Variants in CSMD1 observed in about 807,000 individuals in gnomAD.
CSMD1 encodes CUB and Sushi multiple domains 1.
A neutral mutation model predicts 417.5 loss-of-function variants in CSMD1; 213 were observed. The observed-to-expected ratio is 0.51, with a 90% CI of 0.46 to 0.57. The LOEUF is 0.57. CSMD1 is among the 20% of genes least tolerant of loss of function. The pLI is 0.00. For missense variants in CSMD1, 6,923 were observed against 4,529.7 expected (o/e 1.53, Z -15.17); for synonymous variants, 2,862 against 1,736.8 (o/e 1.65, Z -16.11).
chr8:4,614,180 T>C (rs889868470), intron 2 of CSMD1, among the ~76,000 whole-genome samples: 1 of 152,174 alleles, frequency 6.6e-6, no homozygotes, highest in South Asian at 2.1e-4. Context: ...ATGAAAGACA[T>C]TGTTTAGAAA....
At chr8:3,702,455 G>C (rs76992565) in intron 7 of CSMD1, among the ~76,000 whole-genome samples, 2,060 of 152,288 alleles carry the variant, frequency 0.014, 44 homozygotes, top group African/African-American at 0.047. Context: ...TCCTCACATT[G>C]AGAGCTGCTA....
intron 5 of CSMD1, among the ~76,000 whole-genome samples, chr8:3,798,127 G>C (rs1800262752): frequency 6.6e-6 from 1 of 151,894 alleles, no homozygotes; most frequent in Non-Finnish European, 1.5e-5. Flanking sequence ...GAGGAATTCA[G>C]TATATAAATA....
chr8:3,568,020 T>C (rs958011236), intron 10 of CSMD1, among the ~76,000 whole-genome samples: 10 of 152,312 alleles, frequency 6.6e-5, no homozygotes, highest in African/African-American at 2.4e-4. Context: ...AAGTTGGTAC[T>C]GACAGAAGCC....
intron 37 of CSMD1, among the ~76,000 whole-genome samples, 178 bp downstream of exon 37, chr8:3,180,932 C>A (rs1024420157): frequency 1.3e-5 from 2 of 152,192 alleles, no homozygotes; most frequent in African/African-American, 4.8e-5. Flanking sequence ...GCATGAGTCA[C>A]CGCAACTGGC....
chr8:3,011,369 G>A (rs969075042), intron 52 of CSMD1, among the ~76,000 whole-genome samples: 14 of 146,092 alleles, frequency 9.6e-5, no homozygotes, highest in Admixed American at 8.0e-4. Flanking sequence ...CTGCTCTGCT[G>A]TGATATAAGC....
chr8:4,116,160 A>T (rs989773232), intron 3 of CSMD1, among the ~76,000 whole-genome samples: 64 of 151,948 alleles, frequency 4.2e-4, no homozygotes, highest in African/African-American at 1.4e-3. Context: ...CACCCAGCTA[A>T]TTTTTGTATT....
intron 6 of CSMD1, among the ~76,000 whole-genome samples, chr8:3,724,452 G>A (rs1450749866): frequency 6.6e-6 from 1 of 152,048 alleles, no homozygotes; most frequent in African/African-American, 2.4e-5. Flanking sequence ...TTCTCTCAAT[G>A]TAATTCTGAA....
At chr8:3,883,452 T>G (rs1179646013) in intron 5 of CSMD1, among the ~76,000 whole-genome samples, 1 of 152,160 alleles carries the variant, frequency 6.6e-6, no homozygotes, top group Non-Finnish European at 1.5e-5. Context: ...ATATGTATGC[T>G]CGTGTATAAG....
intron 3 of CSMD1, among the ~76,000 whole-genome samples, chr8:4,312,561 T>C (rs1321492781): frequency 6.6e-6 from 1 of 151,544 alleles, no homozygotes; most frequent in African/African-American, 2.4e-5. Flanking sequence ...TCACAGTCGT[T>C]CTATTTATGA....
chr8:3,762,363 C>A (rs970708798), intron 5 of CSMD1, among the ~76,000 whole-genome samples: 2 of 152,184 alleles, frequency 1.3e-5, no homozygotes, highest in African/African-American at 4.8e-5. Flanking sequence ...CTCAGGGAAG[C>A]CTGCCCTGAT....
At chr8:4,276,372 G>C (rs918600867) in intron 3 of CSMD1, among the ~76,000 whole-genome samples, 12 of 152,114 alleles carry the variant, frequency 7.9e-5, no homozygotes, top group Non-Finnish European at 1.8e-4. Flanking sequence ...ACTATCACAA[G>C]AACAGAAAAC....
chr8:3,448,448 G>T (rs1339497781), intron 12 of CSMD1, among the ~76,000 whole-genome samples: 1 of 55,772 alleles, frequency 1.8e-5, no homozygotes, highest in Non-Finnish European at 3.5e-5. Flanking sequence ...GAAGATGACT[G>T]TGGAGGAGCA....
chr8:4,495,629 C>T (rs1801943793), intron 2 of CSMD1, among the ~76,000 whole-genome samples: 1 of 152,008 alleles, frequency 6.6e-6, no homozygotes, highest in Admixed American at 6.6e-5. Flanking sequence ...AAAATGTATG[C>T]TGCAGACCTT....
chr8:3,581,310 G>A (rs867474037), intron 9 of CSMD1, among the ~76,000 whole-genome samples: 3 of 152,252 alleles, frequency 2.0e-5, no homozygotes, highest in African/African-American at 7.2e-5. Context: ...AAATCATAAT[G>A]GTTGTTTTCA....
intron 2 of CSMD1, among the ~76,000 whole-genome samples, chr8:4,577,630 A>T (rs918924869): frequency 2.4e-4 from 37 of 152,254 alleles, no homozygotes; most frequent in African/African-American, 8.7e-4. Flanking sequence ...CTTACTCTTC[A>T]CACCTCAACA....
At chr8:3,545,229 T>C (rs1798608856) in intron 10 of CSMD1, among the ~76,000 whole-genome samples, 1 of 152,192 alleles carries the variant, frequency 6.6e-6, no homozygotes, top group Admixed American at 6.5e-5. Context: ...TCTATATGTG[T>C]ATATATGTAT....
At chr8:4,155,283 G>A (rs557824543) in intron 3 of CSMD1, among the ~76,000 whole-genome samples, 3 of 152,272 alleles carry the variant, frequency 2.0e-5, no homozygotes, top group African/African-American at 7.2e-5. Context: ...TGTGAATTAG[G>A]GGGTGGAGCA....
At chr8:4,053,663 T>C (rs1798548053) in intron 3 of CSMD1, among the ~76,000 whole-genome samples, 1 of 152,076 alleles carries the variant, frequency 6.6e-6, no homozygotes, top group South Asian at 2.1e-4. Context: ...CATAGAAACA[T>C]ACCCCAAAAA....
intron 32 of CSMD1, among the ~76,000 whole-genome samples, chr8:3,200,559 A>C (rs2116723699): frequency 6.8e-6 from 1 of 146,378 alleles, no homozygotes; most frequent in African/African-American, 2.5e-5. Context: ...ACTTTGTCTC[A>C]AAAAAAAATA....
Sources: gnomAD v4.1 joint callset for allele counts (sites outside exome capture counted in the v4.1 genomes callset) on GRCh38, gnomAD v4.1.1 for gene constraint, MANE v1.5 for transcripts, NCBI Gene and HGNC (gene_info 2026-07-23, HGNC 2026-07-21) for gene names.